The following FBXL13 variants were observed in gnomAD, a reference collection of about 807,000 sequenced individuals.
FBXL13 encodes the protein F-box and leucine-rich repeat protein 13.
Under a neutral mutation model 83.6 loss-of-function variants are expected in FBXL13, and 67 were observed. That is an observed-to-expected ratio of 0.80 (90% CI 0.66 to 0.98). FBXL13 has a LOEUF of 0.98. FBXL13 is among the 50% of genes least tolerant of loss of function. The pLI is 0.00. For synonymous variants in FBXL13, 272 were observed against 299.5 expected (o/e 0.91, Z 0.95); for missense variants, 822 against 866.5 (o/e 0.95, Z 0.64).
chr7:102,933,960 C>G (rs757842503), intron 8 of FBXL13: 3 of 1,613,406 alleles, frequency 1.9e-6, no homozygotes, highest in Non-Finnish European at 2.5e-6. Context: ...TGCAAAGCGG[C>G]TGAGCTGCGC....
chr7:102,939,894 G>T (rs1336493741), intron 8 of FBXL13, among the ~76,000 whole-genome samples: 3 of 148,320 alleles, frequency 2.0e-5, no homozygotes, highest in South Asian at 2.1e-4. Flanking sequence ...AAATGTAGTG[G>T]TTTTTTTTTT....
chr7:102,863,124 C>A (rs1447185467), intron 16 of FBXL13, among the ~76,000 whole-genome samples: 1 of 152,170 alleles, frequency 6.6e-6, no homozygotes, highest in African/African-American at 2.4e-5. Context: ...TGAGCTCTTC[C>A]TATTCTTTTT....
intron 1 of FBXL13, among the ~76,000 whole-genome samples, chr7:103,063,362 A>C (rs548677578): frequency 7.9e-5 from 12 of 152,248 alleles, no homozygotes; most frequent in Non-Finnish European, 1.8e-4. Flanking sequence ...GATATAAGTA[A>C]TCTAAAGATG....
At chr7:103,027,524 A>G in exon 5 of FBXL13, 1 of 1,612,854 alleles carries the variant, frequency 6.2e-7, no homozygotes, top group Non-Finnish European at 8.5e-7. Flanking sequence ...TTAGCTTGTG[A>G]CAATAGATGA....
At chr7:102,865,906 C>T (rs182854814) in intron 16 of FBXL13, among the ~76,000 whole-genome samples, 3 of 152,286 alleles carry the variant, frequency 2.0e-5, no homozygotes, top group African/African-American at 7.2e-5. Flanking sequence ...TCTCAAACTG[C>T]TGGGCTCAAG....
chr7:102,987,977 A>G (rs1194151624), intron 6 of FBXL13: 2 of 152,230 alleles, frequency 1.3e-5, no homozygotes, highest in African/African-American at 2.4e-5. Context: ...AGATTTGGCA[A>G]TCGTGAGTAA....
intron 6 of FBXL13, among the ~76,000 whole-genome samples, chr7:102,981,389 G>A (rs1007750155): frequency 2.4e-5 from 2 of 83,146 alleles, no homozygotes; most frequent in African/African-American, 8.7e-5. Context: ...ATCTCCCATT[G>A]CCTGCACACC....
chr7:102,963,263 G>C (rs1330852468), intron 8 of FBXL13, among the ~76,000 whole-genome samples: 1 of 151,456 alleles, frequency 6.6e-6, no homozygotes, highest in Non-Finnish European at 1.5e-5. Flanking sequence ...GGAGGTTACA[G>C]TGAGCCAAGA....
At chr7:102,887,118 T>C (rs1046620076) in intron 11 of FBXL13, among the ~76,000 whole-genome samples, 1 of 152,198 alleles carries the variant, frequency 6.6e-6, no homozygotes, top group Non-Finnish European at 1.5e-5. Context: ...ACTGAGCTCA[T>C]GATATTATTT....
At chr7:102,880,559 T>G (rs1362792828) in intron 14 of FBXL13, among the ~76,000 whole-genome samples, 1 of 152,254 alleles carries the variant, frequency 6.6e-6, no homozygotes, top group Non-Finnish European at 1.5e-5. Context: ...GATCCCATTT[T>G]TTATTTCTTC....
At chr7:102,815,130 CTCTA>C (rs142039871) in intron 19 of FBXL13, among the ~76,000 whole-genome samples, 1,631 of 152,270 alleles carry the variant, frequency 0.011, 34 homozygotes, top group African/African-American at 0.038. Context: ...CTTCACCCAT[CTCTA>C]TCAGTCTAAA....
At chr7:102,962,837 TG>T (rs1213836503) in intron 8 of FBXL13, among the ~76,000 whole-genome samples, 6 of 46,548 alleles carry the variant, frequency 1.3e-4, no homozygotes, top group African/African-American at 5.1e-4. Context: ...TGTTGTGGGG[TG>T]GGGGGAAGGG....
chr7:102,893,290 G>A (rs1432252629), intron 11 of FBXL13, among the ~76,000 whole-genome samples: 2 of 151,892 alleles, frequency 1.3e-5, no homozygotes, highest in South Asian at 2.1e-4. Context: ...TCCTTTTTTG[G>A]TTATCTTGTC....
At chr7:102,876,118 T>C (rs560196370) in intron 16 of FBXL13, among the ~76,000 whole-genome samples, 17 of 152,230 alleles carry the variant, frequency 1.1e-4, no homozygotes, top group African/African-American at 4.1e-4. Context: ...AGCAGGTGTC[T>C]AGGACTGTGG....
At chr7:103,032,499 C>A (rs188978129) in intron 2 of FBXL13, among the ~76,000 whole-genome samples, 62 of 152,280 alleles carry the variant, frequency 4.1e-4, no homozygotes, top group African/African-American at 1.4e-3. Context: ...AGCCAACTCT[C>A]TGGAATTGGC....
At position 102,883,563 on chromosome 7, in the gene FBXL13, C is replaced by G; in HGVS notation, c.1225+5G>C. ...ATGCTGAACCACATTTTTAATATAA[C>G]AGACCTTCAAATCGGATCTTTCTGA... On this transcript the variant is annotated splice_donor_5th_base_variant and intron_variant, in intron 13 of 19. Coordinates refer to ENST00000313221, the Ensembl canonical transcript of FBXL13. 1 of 1,599,820 alleles carries G rather than the reference C, an allele frequency of 6.3e-7. No individual in the cohort carries two copies. Among genetic ancestry groups the G allele is most frequent in the East Asian group, 2.2e-5 (1 of 44,716 alleles).
chr7:103,023,018 T>TGTAA (rs1793390261), intron 6 of FBXL13, among the ~76,000 whole-genome samples: 1 of 152,218 alleles, frequency 6.6e-6, no homozygotes, highest in Non-Finnish European at 1.5e-5. Context: ...GGCTCATGCC[T>TGTAA]GTAATCCCAG....
chr7:103,012,513 T>A (rs1791761278), intron 6 of FBXL13, among the ~76,000 whole-genome samples: 1 of 152,098 alleles, frequency 6.6e-6, no homozygotes, highest in Non-Finnish European at 1.5e-5. Context: ...TCAGCATTCT[T>A]AAAAAACATA....
chr7:102,821,463 CTTAA>C (rs1395087704), intron 19 of FBXL13, among the ~76,000 whole-genome samples: 4 of 152,218 alleles, frequency 2.6e-5, no homozygotes, highest in African/African-American at 9.6e-5. Flanking sequence ...GCCATAACTA[CTTAA>C]TTAAGAAAGT....
Sources: allele counts gnomAD v4.1 joint callset (sites outside exome capture counted in the v4.1 genomes callset), GRCh38; gene constraint gnomAD v4.1.1; transcripts MANE v1.5; gene names NCBI Gene and HGNC (gene_info 2026-07-23, HGNC 2026-07-21).